Variants in AHCTF1 observed in about 807,000 individuals in gnomAD.
AHCTF1 encodes AT-hook containing transcription factor 1, also known as protein ELYS.
In AHCTF1, 24 loss-of-function variants were observed where a neutral mutation model predicts 248.4. The observed-to-expected ratio is 0.10, with a 90% CI of 0.07 to 0.14. The LOEUF is 0.14. Ranked by LOEUF, AHCTF1 falls within the 10% of genes least tolerant of loss-of-function variation. The probability of loss-of-function intolerance (pLI) is 1.00; values close to 1 mark genes in which losing one functional copy is unlikely to be tolerated. For missense variants in AHCTF1, 2,206 were observed against 2,636.2 expected (o/e 0.84, Z 3.57); for synonymous variants, 786 against 929.8 (o/e 0.85, Z 2.81).
chr1:246,847,699 T>C (rs532772929), intron 33 of AHCTF1, among the ~76,000 whole-genome samples: 1 of 152,162 alleles, frequency 6.6e-6, no homozygotes, highest in African/African-American at 2.4e-5. Flanking sequence ...GGGGTTTTTT[T>C]GGCCATGTTG....
intron 2 of AHCTF1, among the ~76,000 whole-genome samples, chr1:246,916,650 T>C (rs1451380128): frequency 1.3e-5 from 2 of 152,252 alleles, no homozygotes; most frequent in East Asian, 1.9e-4. Context: ...CAAGACTTCA[T>C]CTCAAATAAT....
chr1:246,842,671 A>AAGAAC (rs777447877), intron 35 of AHCTF1, 23 bp downstream of exon 35: 6 of 1,605,944 alleles, frequency 3.7e-6, no homozygotes, highest in African/African-American at 2.7e-5. Context: ...TCAATCAATC[A>AAGAAC]AGAACAGAAC....
intron 33 of AHCTF1, among the ~76,000 whole-genome samples, chr1:246,846,763 G>A (rs922306703): frequency 2.0e-5 from 3 of 151,818 alleles, no homozygotes; most frequent in Non-Finnish European, 4.4e-5. Context: ...GGGGGGATGG[G>A]GGTGGGGAGG....
chr1:246,874,203 G>A (rs955930399), intron 24 of AHCTF1, among the ~76,000 whole-genome samples: 3 of 152,062 alleles, frequency 2.0e-5, no homozygotes, highest in African/African-American at 4.8e-5. Context: ...AACAAATTAC[G>A]ATAAAATTTC....
intron 4 of AHCTF1, among the ~76,000 whole-genome samples, chr1:246,908,218 C>T (rs1337271654): frequency 6.7e-6 from 1 of 150,030 alleles, no homozygotes; most frequent in Non-Finnish European, 1.5e-5. Context: ...TATCAGACAA[C>T]ATGAAGGGGC....
At chr1:246,906,561 A>C (rs948227723) in intron 5 of AHCTF1, among the ~76,000 whole-genome samples, 2 of 152,122 alleles carry the variant, frequency 1.3e-5, no homozygotes, top group Non-Finnish European at 2.9e-5. Context: ...CAGCCTGGGC[A>C]ACAGAGTGAG....
chr1:246,893,449 T>C (rs1385091517), intron 14 of AHCTF1, among the ~76,000 whole-genome samples: 1 of 152,218 alleles, frequency 6.6e-6, no homozygotes, highest in Non-Finnish European at 1.5e-5. Context: ...ACAAGAGAAA[T>C]GACTAAAACA....
At chr1:246,853,045 C>A in intron 32 of AHCTF1, 46 bp downstream of exon 32, 2 of 1,471,910 alleles carry the variant, frequency 1.4e-6, no homozygotes, top group East Asian at 2.4e-5. Context: ...ACAACTAAAC[C>A]AAAACTGAAA....
At chr1:246,862,467 A>G (rs6685596) in intron 27 of AHCTF1, among the ~76,000 whole-genome samples, 28,659 of 151,512 alleles carry the variant, frequency 0.19, 4,563 homozygotes, top group African/African-American at 0.44. Flanking sequence ...GCGACAGAGC[A>G]AGACTCCGTC....
intron 11 of AHCTF1, among the ~76,000 whole-genome samples, chr1:246,899,052 G>A (rs1472729688): frequency 6.6e-6 from 1 of 152,158 alleles, no homozygotes; most frequent in African/African-American, 2.4e-5. Context: ...TGGTGTCACT[G>A]CACCCCAGCC....
intron 12 of AHCTF1, 21 bp downstream of exon 12, chr1:246,898,185 AAT>A (rs747966604): frequency 1.7e-5 from 27 of 1,610,902 alleles, no homozygotes; most frequent in Non-Finnish European, 2.3e-5. Context: ...CAAAAGAAAC[AAT>A]AGAGTTAAAA....
chr1:246,877,145 G>T lies in AHCTF1; in HGVS notation c.2805+13C>A, dbSNP rs770681220. On this transcript the variant is annotated intron_variant, in intron 22 of 35. Coordinates refer to ENST00000648844, the MANE Select transcript of AHCTF1 (RefSeq NM_001323342.2). ...CTTGAATTTCTGACAAGTTTACATC[G>T]GTAAGTAATTACCTGCTCAGTGTCT... is the stretch of plus-strand genomic sequence containing the variant. 2 of 1,612,158 alleles carry T rather than the reference G, an allele frequency of 1.2e-6. No homozygotes were observed. The highest frequency in any genetic ancestry group is 2.7e-5 in the African/African-American group (2 of 74,798).
At chr1:246,848,178 G>A (rs955547806) in intron 33 of AHCTF1, among the ~76,000 whole-genome samples, 3 of 152,088 alleles carry the variant, frequency 2.0e-5, no homozygotes, top group African/African-American at 7.2e-5. Flanking sequence ...GTTATGGGGA[G>A]AGTCATTCTC....
At chr1:246,869,095 T>C (rs6691158) in intron 24 of AHCTF1, among the ~76,000 whole-genome samples, 126,430 of 151,232 alleles carry the variant, frequency 0.84, 52,947 homozygotes, top group South Asian at 0.91. Context: ...CCGCCCGCCT[T>C]GGCCTCCCAA....
At chr1:246,890,174 G>C in intron 16 of AHCTF1, 115 bp from the exon 17 acceptor site, 1 of 666,426 alleles carries the variant, frequency 1.5e-6, no homozygotes, top group Non-Finnish European at 2.5e-6. Context: ...TAACCCACAG[G>C]GTGGGTATAT....
At chr1:246,902,987 G>C (rs1665112586) in intron 7 of AHCTF1, among the ~76,000 whole-genome samples, 3 of 152,146 alleles carry the variant, frequency 2.0e-5, no homozygotes, top group African/African-American at 7.2e-5. Context: ...TCTCAGACCA[G>C]CAATACTATA....
intron 29 of AHCTF1, among the ~76,000 whole-genome samples, chr1:246,859,238 A>G (rs1558220114): frequency 6.6e-6 from 1 of 152,258 alleles, no homozygotes; most frequent in Non-Finnish European, 1.5e-5. Flanking sequence ...TTATGTAAGT[A>G]TGTAGTTTTA....
intron 1 of AHCTF1, among the ~76,000 whole-genome samples, chr1:246,921,287 T>C (rs1310316248): frequency 6.6e-6 from 1 of 152,086 alleles, no homozygotes; most frequent in Non-Finnish European, 1.5e-5. Flanking sequence ...CGGAAGAATA[T>C]ACGAGGGACT....
intron 24 of AHCTF1, among the ~76,000 whole-genome samples, chr1:246,873,811 G>T (rs1017266783): frequency 4.6e-5 from 7 of 152,164 alleles, no homozygotes; most frequent in African/African-American, 1.7e-4. Flanking sequence ...CTTTCCTGCA[G>T]TTATCCCCTC....
Sources: allele counts gnomAD v4.1 joint callset (sites outside exome capture counted in the v4.1 genomes callset), GRCh38; gene constraint gnomAD v4.1.1; transcripts MANE v1.5; gene names NCBI Gene and HGNC (gene_info 2026-07-23, HGNC 2026-07-21).